Variants in AFF3 observed in about 807,000 individuals in gnomAD.
AFF3 encodes AF4/FMR2 family member 3.
In AFF3, 32 loss-of-function variants were observed where a neutral mutation model predicts 129.7. The observed-to-expected ratio is 0.25, with a 90% CI of 0.19 to 0.33. The LOEUF is 0.33. AFF3 is among the 10% of genes least tolerant of loss of function. The pLI is 1.00. For missense variants in AFF3, 1,373 were observed against 1,592.0 expected (o/e 0.86, Z 2.34); for synonymous variants, 644 against 635.4 (o/e 1.01, Z -0.20).
In AFF3 at chr2:100,008,931, C is replaced by T. The variant is rs1682242907; in HGVS notation, c.55G>A (p.Val19Ile). 4.3e-6 allele frequency: 7 copies of T among 1,613,624 alleles called. No individual in the cohort carries two copies. Among genetic ancestry groups the T allele is most frequent in the Non-Finnish European group, 5.9e-6 (7 of 1,179,806 alleles). The change falls in exon 5 of 25, where the codon GTC becomes ATC. Residue 19 changes from valine to isoleucine, a missense_variant and splice_region_variant. Val to Ile is a conservative substitution (Grantham distance 29). Coordinates refer to ENST00000672756, the MANE Select transcript of AFF3 (RefSeq NM_001386135.1). Reference protein sequence around the residue: ...LQEWDLESLCVYEPDRNALRR... With the variant: ...LQEWDLESLCIYEPDRNALRR... ...AATGCATTTCTATCTGGTTCATAGA[C>T]ACTGCATCAGGAAAAAGAAGAGAGA... is the stretch of plus-strand genomic sequence containing the variant.
At chr2:99,900,508 A>T (rs1277163172) in intron 7 of AFF3, among the ~76,000 whole-genome samples, 5 of 152,090 alleles carry the variant, frequency 3.3e-5, no homozygotes, top group Admixed American at 6.5e-5. Context: ...AGACCACTGG[A>T]CCACTGCCGC....
chr2:99,928,101 C>T (rs908238877), intron 7 of AFF3, among the ~76,000 whole-genome samples: 1 of 152,198 alleles, frequency 6.6e-6, no homozygotes, highest in Non-Finnish European at 1.5e-5. Context: ...TCCCTAGCCA[C>T]GTGGAACTGT....
chr2:99,735,719 C>T (rs1680199047), intron 10 of AFF3, among the ~76,000 whole-genome samples: 1 of 152,200 alleles, frequency 6.6e-6, no homozygotes, highest in South Asian at 2.1e-4. Context: ...TCTCGAATTC[C>T]TGACCTCAAT....
intron 1 of AFF3, among the ~76,000 whole-genome samples, chr2:100,131,358 C>T (rs983182221): frequency 6.6e-6 from 1 of 152,176 alleles, no homozygotes; most frequent in African/African-American, 2.4e-5. Flanking sequence ...ATATATGAGT[C>T]AAATGTTGAT....
chr2:99,965,721 G>A (rs992097819), intron 7 of AFF3, among the ~76,000 whole-genome samples: 2 of 152,302 alleles, frequency 1.3e-5, no homozygotes, highest in East Asian at 1.9e-4. Context: ...CTAGCCTTCT[G>A]AGCCCAAGGC....
At chr2:100,113,567 T>C (rs1691606082) in intron 2 of AFF3, among the ~76,000 whole-genome samples, 1 of 152,020 alleles carries the variant, frequency 6.6e-6, no homozygotes, top group Non-Finnish European at 1.5e-5. Context: ...CAAGACTAAG[T>C]GAATAGGGGG....
At position 99,802,248 on chromosome 2, in the gene AFF3, T is replaced by C. The variant is rs150802839; in HGVS notation, c.921+35229A>G. ...CTTAAACTTTTTTAATGGATTTTTA[T>C]CTTAAGAGAATATTAGAAACCTTCA... On this transcript the variant is annotated intron_variant, in intron 8 of 24. Transcript: ENST00000672756. Among the ~76,000 whole-genome samples the C allele has an allele frequency of 1.4e-3, 212 of 152,316 alleles. 1 individual carries two copies. The highest frequency in any genetic ancestry group is 5.0e-3 in the African/African-American group (206 of 41,566).
chr2:99,948,661 C>T (rs189300815), intron 7 of AFF3, among the ~76,000 whole-genome samples: 187 of 152,278 alleles, frequency 1.2e-3, no homozygotes, highest in African/African-American at 4.3e-3. Context: ...AAGAACAAAA[C>T]TTCTCCAGAC....
intron 4 of AFF3, among the ~76,000 whole-genome samples, chr2:100,033,003 T>C (rs554688194): frequency 4.5e-4 from 69 of 152,362 alleles, no homozygotes; most frequent in African/African-American, 1.6e-3. Context: ...TTATGCCTTA[T>C]CCTCTGTACT....
chr2:99,881,102 G>A (rs1426350082), intron 7 of AFF3, among the ~76,000 whole-genome samples: 1 of 152,182 alleles, frequency 6.6e-6, no homozygotes, highest in Non-Finnish European at 1.5e-5. Flanking sequence ...ATTCTTTATA[G>A]AGTATAGGCC....
chr2:99,732,768 A>G (rs982669491), intron 10 of AFF3, among the ~76,000 whole-genome samples: 2 of 152,192 alleles, frequency 1.3e-5, no homozygotes, highest in Admixed American at 6.5e-5. Flanking sequence ...CAACTTTAGC[A>G]GGGAATCCAA....
intron 7 of AFF3, among the ~76,000 whole-genome samples, chr2:99,923,873 T>C (rs1034681115): frequency 1.3e-5 from 2 of 152,116 alleles, no homozygotes; most frequent in African/African-American, 4.8e-5. Flanking sequence ...TTTATAATTA[T>C]TACAATTAAA....
At chr2:99,948,778 C>CA (rs951950525) in intron 7 of AFF3, among the ~76,000 whole-genome samples, 50 of 151,010 alleles carry the variant, frequency 3.3e-4, no homozygotes, top group East Asian at 1.4e-3. Context: ...AAGAATAAAA[C>CA]AAAAAAAAAT....
At chr2:99,771,472 A>G (rs1683484770) in intron 8 of AFF3, among the ~76,000 whole-genome samples, 1 of 152,124 alleles carries the variant, frequency 6.6e-6, no homozygotes, top group South Asian at 2.1e-4. Flanking sequence ...AAGATGTCTC[A>G]GCCCTGGTGT....
At chr2:99,611,886 C>CAAAAAAAAA (rs36056201) in intron 13 of AFF3, among the ~76,000 whole-genome samples, 1 of 145,244 alleles carries the variant, frequency 6.9e-6, no homozygotes. Context: ...GATATCATCT[C>CAAAAAAAAA]AAAAAAAAAA....
At chr2:99,564,412 C>T (rs982791406) in intron 20 of AFF3, among the ~76,000 whole-genome samples, 1 of 152,120 alleles carries the variant, frequency 6.6e-6, no homozygotes, top group African/African-American at 2.4e-5. Context: ...GCTTTCATTT[C>T]ATCACTACTG....
chr2:100,000,881 G>A (rs1681337727), intron 7 of AFF3, among the ~76,000 whole-genome samples: 1 of 152,160 alleles, frequency 6.6e-6, no homozygotes. Context: ...CTGTATATCT[G>A]AAAGACTGCA....
intron 7 of AFF3, among the ~76,000 whole-genome samples, chr2:99,979,339 G>C (rs2104491906): frequency 6.6e-6 from 1 of 152,172 alleles, no homozygotes; most frequent in East Asian, 1.9e-4. Flanking sequence ...GGGTAAGAAG[G>C]CTGATCCAAA....
Position 99,699,751 on chromosome 2 carries a change from C to T in AFF3, c.1092-27162G>A, listed in dbSNP as rs189237812. ...ATGGGCAATTTCATCTACAGCAGTG[C>T]CGATCTCTGCCTCACTCTTTGAGGT... On this transcript the variant is annotated intron_variant, in intron 11 of 24. Coordinates refer to ENST00000672756, the MANE Select transcript of AFF3 (RefSeq NM_001386135.1). 1.4e-4 allele frequency among the ~76,000 whole-genome samples: 22 copies of T among 152,286 alleles called. No individual in the cohort carries two copies. In the East Asian group the frequency reaches 4.1e-3, roughly 28 times the overall value.
Sources: allele counts gnomAD v4.1 joint callset (sites outside exome capture counted in the v4.1 genomes callset), GRCh38; gene constraint gnomAD v4.1.1; transcripts MANE v1.5; gene names NCBI Gene and HGNC (gene_info 2026-07-23, HGNC 2026-07-21).